The following RAB28 variants were observed in gnomAD, a reference collection of about 807,000 sequenced individuals.
The protein encoded by RAB28 is RAB28, member RAS oncogene family.
Under a neutral mutation model 31.7 loss-of-function variants are expected in RAB28, and 24 were observed. The ratio of observed to expected loss-of-function variants is 0.76; its 90% CI spans 0.55 to 1.06. The LOEUF (loss-of-function observed/expected upper bound fraction) is 1.06, where lower values mean the gene tolerates loss of function less well. Ranked by LOEUF, RAB28 falls within the 50% of genes least tolerant of loss-of-function variation. The pLI, the probability that RAB28 is intolerant of heterozygous loss-of-function variation, is 0.00. For missense variants in RAB28, 254 were observed against 258.5 expected (o/e 0.98, Z 0.12); for synonymous variants, 100 against 90.4 (o/e 1.11, Z -0.60).
chr4:13,444,967 G>A (rs1289227077), intron 4 of RAB28, among the ~76,000 whole-genome samples: 1 of 152,128 alleles, frequency 6.6e-6, no homozygotes, highest in Non-Finnish European at 1.5e-5. Flanking sequence ...ATATCCTGAA[G>A]TGTTTTTCCC....
chr4:13,390,247 T>C (rs1413425957), intron 4 of RAB28, among the ~76,000 whole-genome samples: 1 of 152,076 alleles, frequency 6.6e-6, no homozygotes, highest in African/African-American at 2.4e-5. Context: ...ATCACAAGCA[T>C]TCCTATACAC....
chr4:13,388,734 A>T (rs1186412454), intron 4 of RAB28, among the ~76,000 whole-genome samples: 1 of 152,130 alleles, frequency 6.6e-6, no homozygotes, highest in Non-Finnish European at 1.5e-5. Context: ...AAGATAACAC[A>T]TCATCAGAGA....
rs951436578 is a variant in RAB28, at chr4:13,367,770, G to A, written c.*788C>T. 5 of 985,066 alleles carry A rather than the reference G, an allele frequency of 5.1e-6. No homozygotes were observed. The highest frequency in any genetic ancestry group is 6.0e-6 in the Non-Finnish European group (5 of 829,692). The allele number at this position is 985,066 out of a possible 1,614,324, so 61.0% of individuals were successfully genotyped here. On this transcript the variant is annotated 3_prime_UTR_variant, in exon 7 of 7. Transcript: ENST00000330852. The stretch of plus-strand genomic sequence containing the variant: ...TGAAAGAAAAACATCTGAACATCAG[G>A]TACAGTCTGATCCACAATGTCATAA...
chr4:13,480,400 G>T (rs1716555005), intron 1 of RAB28, among the ~76,000 whole-genome samples: 1 of 151,772 alleles, frequency 6.6e-6, no homozygotes, highest in South Asian at 2.1e-4. Context: ...ACTTCACTAA[G>T]CTTTTATGCT....
chr4:13,460,286 T>C (rs1715525867), intron 4 of RAB28, among the ~76,000 whole-genome samples: 1 of 152,178 alleles, frequency 6.6e-6, no homozygotes, highest in Non-Finnish European at 1.5e-5. Flanking sequence ...GTGAGGGCAT[T>C]CTTCCTGGTT....
intron 4 of RAB28, among the ~76,000 whole-genome samples, chr4:13,434,775 T>C (rs142815034): frequency 6.6e-5 from 10 of 152,206 alleles, no homozygotes; most frequent in African/African-American, 2.4e-4. Context: ...TCCCAGCACT[T>C]TGCGAGGCCA....
Position 13,415,653 on chromosome 4 carries a change from GC to G in RAB28, c.392-34060del, listed in dbSNP as rs528985772. Among the ~76,000 whole-genome samples, 718 of 151,756 alleles carry G rather than the reference GC, an allele frequency of 4.7e-3. 4 individuals carry two copies. Among genetic ancestry groups the G allele is most frequent in the Middle Eastern group, 0.02 (6 of 294 alleles). ...AGCCCGCCATGCCTGAGCCTCCCCC[GC>G]CCCCTCCAACCACGCCACCCTGGGC... On this transcript the variant is annotated intron_variant, in intron 4 of 6. Transcript: ENST00000330852.
intron 4 of RAB28, among the ~76,000 whole-genome samples, chr4:13,399,218 T>G (rs1384646487): frequency 6.6e-6 from 1 of 152,218 alleles, no homozygotes; most frequent in African/African-American, 2.4e-5. Flanking sequence ...TGTAGTCATC[T>G]GCGTCTGGCA....
intron 4 of RAB28, among the ~76,000 whole-genome samples, chr4:13,397,290 A>G (rs1445877955): frequency 1.3e-5 from 2 of 152,128 alleles, no homozygotes; most frequent in African/African-American, 2.4e-5. Flanking sequence ...TGACACATAC[A>G]CATATTATGA....
chr4:13,393,995 A>G (rs2108893677), intron 4 of RAB28, among the ~76,000 whole-genome samples: 1 of 152,312 alleles, frequency 6.6e-6, no homozygotes, highest in Non-Finnish European at 1.5e-5. Flanking sequence ...AGGGAGCAAT[A>G]TAGACATTAT....
At chr4:13,383,790 T>C (rs1577157779) in intron 4 of RAB28, among the ~76,000 whole-genome samples, 1 of 152,200 alleles carries the variant, frequency 6.6e-6, no homozygotes, top group Non-Finnish European at 1.5e-5. Flanking sequence ...CCTGACGCCA[T>C]GTAAGGCGTG....
In RAB28 at chr4:13,446,287, T is replaced by C. The variant is rs944921847; in HGVS notation, c.391+14412A>G. On this transcript the variant is annotated intron_variant, in intron 4 of 6. Transcript: ENST00000330852. ...CAGTGGGAATTTCAAGCTAGTGTGG[T>C]TCTTAGTTTGCGGGGCTCTGTGGGA... 1.1e-4 allele frequency among the ~76,000 whole-genome samples: 17 copies of C among 152,180 alleles called. No homozygotes were observed. The East Asian group carries it at 1.6e-3, about 14-fold the overall frequency.
intron 4 of RAB28, among the ~76,000 whole-genome samples, chr4:13,415,627 C>T (rs1396199886): frequency 6.6e-6 from 1 of 152,192 alleles, no homozygotes; most frequent in African/African-American, 2.4e-5. Context: ...TAGCTGCCTG[C>T]AGCCCGCCAT....
rs148699723 is a variant in RAB28, at chr4:13,407,842, C to T, written c.392-26248G>A. Among the ~76,000 whole-genome samples, 699 of 152,200 alleles carry T rather than the reference C, an allele frequency of 4.6e-3. 6 individuals carry two copies. The highest frequency in any genetic ancestry group is 0.016 in the African/African-American group (666 of 41,514). On this transcript the variant is annotated intron_variant, in intron 4 of 6. Coordinates refer to ENST00000330852, the MANE Select transcript of RAB28 (RefSeq NM_001017979.3). The stretch of plus-strand genomic sequence containing the variant: ...GTCTATTATTGGCGTACAGGAATGC[C>T]TGCAATTTTTGCACATTGATTTTGT...
chr4:13,457,671 A>G (rs570002922), intron 4 of RAB28, among the ~76,000 whole-genome samples: 3 of 152,230 alleles, frequency 2.0e-5, no homozygotes, highest in East Asian at 3.9e-4. Context: ...CACTGTATTA[A>G]TTTCTTGCAT....
chr4:13,462,539 T>C (rs180843921), intron 3 of RAB28, among the ~76,000 whole-genome samples: 2 of 152,304 alleles, frequency 1.3e-5, no homozygotes, highest in African/African-American at 4.8e-5. Flanking sequence ...TCTCTGAAGC[T>C]AGAGCAAGCC....
intron 6 of RAB28, among the ~76,000 whole-genome samples, chr4:13,375,988 T>G (rs960592438): frequency 2.6e-5 from 4 of 152,138 alleles, no homozygotes; most frequent in Admixed American, 6.5e-5. Context: ...CTTTATAGGC[T>G]CTTACTCTGA....
At chr4:13,377,246 T>C (rs188430890) in intron 5 of RAB28, among the ~76,000 whole-genome samples, 25 of 152,332 alleles carry the variant, frequency 1.6e-4, no homozygotes, top group Admixed American at 1.6e-3. Context: ...CACACATAGT[T>C]AGCTTATGTC....
chr4:13,423,499 A>T (rs1348280259), intron 4 of RAB28, among the ~76,000 whole-genome samples: 4 of 152,012 alleles, frequency 2.6e-5, no homozygotes, highest in East Asian at 1.9e-4. Flanking sequence ...GGAAAAAAAA[A>T]GGTGAGAATA....
Sources: gnomAD v4.1 joint callset for allele counts (sites outside exome capture counted in the v4.1 genomes callset) on GRCh38, gnomAD v4.1.1 for gene constraint, MANE v1.5 for transcripts, NCBI Gene and HGNC (gene_info 2026-07-23, HGNC 2026-07-21) for gene names.